SRRM2: variants seen among roughly 807,000 people sequenced by gnomAD.
SRRM2 encodes serine/arginine repetitive matrix protein 2.
In SRRM2, 30 loss-of-function variants were observed where a neutral mutation model predicts 213.8. The ratio of observed to expected loss-of-function variants is 0.14; its 90% CI spans 0.10 to 0.19. SRRM2 has a LOEUF of 0.19. SRRM2 is among the 10% of genes least tolerant of loss of function. The pLI, the probability that SRRM2 is intolerant of heterozygous loss-of-function variation, is 1.00. For missense variants in SRRM2, 4,904 were observed against 3,647.0 expected (o/e 1.34, Z -8.88); for synonymous variants, 2,025 against 1,377.7 (o/e 1.47, Z -10.40).
intron 5 of SRRM2, 43 bp downstream of exon 5, chr16:2,758,590 C>G (rs770514962): frequency 6.4e-7 from 1 of 1,557,890 alleles, no homozygotes; most frequent in African/African-American, 1.4e-5. Context: ...GAGGACCAAT[C>G]CTGTGGTGTA....
chr16:2,763,488 A>T lies in SRRM2; in HGVS notation c.2960A>T (p.Gln987Leu), dbSNP rs755645253. Residue 987 changes from glutamine (Q) to leucine (L), a missense_variant, in exon 11 of 15, where the codon CAA becomes CTA. Physicochemically the swap from Gln to Leu is moderately radical, Grantham distance 113. Coordinates refer to ENST00000301740, the MANE Select transcript of SRRM2 (RefSeq NM_016333.4). ...GTGAAACCTGAAACACCGCCAAGAC[A>T]AAGTCACTCAGGGTCTATTTCACCA... ...TKVKPETPPR[Q>L]SHSGSISPYP... is the part of the protein sequence containing the mutation. 3.7e-6 allele frequency: 6 copies of T among 1,614,134 alleles called. No individual in the cohort carries two copies. Among genetic ancestry groups the T allele is most frequent in the South Asian group, 1.1e-5 (1 of 91,076 alleles).
intron 4 of SRRM2, 70 bp from the exon 5 acceptor site, chr16:2,758,400 C>A: frequency 2.3e-6 from 3 of 1,328,864 alleles, no homozygotes; most frequent in Admixed American, 3.7e-5. Flanking sequence ...TTTTTAGACT[C>A]TGTCTTTTAA....
At chr16:2,770,173 C>G (rs377747938) in intron 12 of SRRM2, 179 bp from the exon 13 acceptor site, 2 of 1,441,692 alleles carry the variant, frequency 1.4e-6, no homozygotes, top group East Asian at 2.5e-5. Flanking sequence ...CTGTGCCTGC[C>G]CACTGGGCAC....
In SRRM2 at chr16:2,761,813, A is replaced by G. The variant is rs139567101; in HGVS notation, c.1285A>G (p.Lys429Glu). 1.4e-5 allele frequency: 22 copies of G among 1,613,588 alleles called. No individual in the cohort carries two copies. The highest frequency in any genetic ancestry group is 4.5e-5 in the East Asian group (2 of 44,880). ...CAGCCCACCATCCCCTCAACCTACC[A>G]AAGTTTCTCGGCATGCCAGCTCTTC... is the stretch of plus-strand genomic sequence containing the variant. ...ESSPPSPQPT[K>E]VSRHASSSPE... is the part of the protein sequence containing the mutation. Residue 429 changes from lysine to glutamate, a missense_variant, in exon 11 of 15, where the codon AAA (lysine) becomes GAA (glutamate). Transcript: ENST00000301740.
rs768782629 is a variant in SRRM2, at chr16:2,767,599, C to A, written c.7071C>A (p.Thr2357=). 6.2e-7 allele frequency: 1 copy of A among 1,614,194 alleles called. No individual in the cohort carries two copies. Among genetic ancestry groups the A allele is most frequent in the Non-Finnish European group, 8.5e-7 (1 of 1,180,032 alleles). ...CTGTGAATATTGCCGGCTCCAGAAC[C>A]GCCGCAGCCTTGGCCCCCGCGAGCC... ...TAPVNIAGSR[T]AAALAPASLT... The change falls in exon 11 of 15, where the codon ACC becomes ACA. Residue 2357 remains threonine (T), a synonymous_variant. Transcript: ENST00000301740.
Position 2,763,665 on chromosome 16 carries a change from G to A in SRRM2, c.3137G>A (p.Gly1046Asp), listed in dbSNP as rs1011723798. Reference protein sequence around the residue: ...CAGVKSSTPPGESYFGVSSLQ... With the variant: ...CAGVKSSTPPDESYFGVSSLQ... Reference sequence around the variant, plus strand: ...GGAGTAAAATCTAGCACACCACCAGGCGAGAGCTATTTTGGTGTCTCATCT... The same window carrying A: ...GGAGTAAAATCTAGCACACCACCAGACGAGAGCTATTTTGGTGTCTCATCT... The change falls in exon 11 of 15, where the codon GGC (glycine) becomes GAC (aspartate). Residue 1046 changes from glycine to aspartate, a missense_variant. By Grantham distance (94) the Gly-to-Asp change is moderately conservative. Transcript: ENST00000301740. The A allele has an allele frequency of 6.2e-7, 1 of 1,614,020 alleles. No individual in the cohort carries two copies. The highest frequency in any genetic ancestry group is 8.5e-7 in the Non-Finnish European group (1 of 1,180,044).
At chr16:2,758,732 C>T in intron 5 of SRRM2, 185 bp downstream of exon 5, 7 of 679,004 alleles carry the variant, frequency 1.0e-5, no homozygotes, top group East Asian at 2.7e-5. Flanking sequence ...GTTGAGTTTG[C>T]AGTTCTGCTA....
At chr16:2,757,699 T>C in intron 3 of SRRM2, 82 bp from the exon 4 acceptor site, 3 of 1,584,858 alleles carry the variant, frequency 1.9e-6, no homozygotes, top group Non-Finnish European at 2.6e-6. Flanking sequence ...CCATGCCTTA[T>C]TTGGCTCCTG....
At chr16:2,768,837 G>C in intron 11 of SRRM2, 160 bp from the exon 12 acceptor site, 1 of 1,452,842 alleles carries the variant, frequency 6.9e-7, no homozygotes, top group Non-Finnish European at 9.4e-7. Context: ...GGGTCAGCTC[G>C]CACCACTGCT....
At chr16:2,768,781 C>A in intron 11 of SRRM2, 1 of 865,448 alleles carries the variant, frequency 1.2e-6, no homozygotes, top group South Asian at 1.4e-5. Flanking sequence ...TAACCTTGAT[C>A]CCTTATGCTG....
At position 2,758,974 on chromosome 16, in the gene SRRM2, T is replaced by TC. The variant is rs1169807281; in HGVS notation, c.594-9dup. On this transcript the variant is annotated splice_polypyrimidine_tract_variant and intron_variant, in intron 5 of 14. Coordinates refer to ENST00000301740, the MANE Select transcript of SRRM2 (RefSeq NM_016333.4). ...CAAGCAGGATGAGCTTGCTTTTGAA[T>TC]CCATCTTTAGCAGGTCAGAGAGCAG... 6.2e-7 allele frequency: 1 copy of TC among 1,613,988 alleles called. No individual in the cohort carries two copies. Among genetic ancestry groups the TC allele is most frequent in the East Asian group, 2.2e-5 (1 of 44,876 alleles).
At chr16:2,759,785 T>G (rs1281514063) in intron 9 of SRRM2, 124 bp downstream of exon 9, 2 of 799,296 alleles carry the variant, frequency 2.5e-6, no homozygotes, top group African/African-American at 1.7e-5. Context: ...GTCCCTGCCC[T>G]CTAGGAGCTG....
At chr16:2,752,867 G>A in intron 1 of SRRM2, 21 bp downstream of exon 1, 2 of 220,928 alleles carry the variant, frequency 9.1e-6, no homozygotes, top group South Asian at 4.2e-5. Context: ...GAGGGAGCCA[G>A]CGAGCCGGGT....
rs749216920 is a variant in SRRM2, at chr16:2,766,984, C to T, written c.6456C>T (p.Ala2152=). The change falls in exon 11 of 15, where the codon GCC becomes GCT. Residue 2152 remains alanine, a synonymous_variant. Coordinates refer to ENST00000301740, the MANE Select transcript of SRRM2 (RefSeq NM_016333.4). This position sits in a 1 kb window ranked among gnomAD's most constrained non-coding sequence, Gnocchi z 7.0. The stretch of plus-strand genomic sequence containing the variant: ...CACCCATGTCTGTCCTGCAGCAAGC[C>T]GGCGGCTCCATGATGGATGGTCCAG... ...SRTPMSVLQQ[A]GGSMMDGPGP... 37 of 1,614,052 alleles carry T rather than the reference C, an allele frequency of 2.3e-5. No individual in the cohort carries two copies. The highest frequency in any genetic ancestry group is 6.7e-5 in the African/African-American group (5 of 74,912).
intron 10 of SRRM2, 87 bp downstream of exon 10, chr16:2,760,586 T>C: frequency 4.9e-6 from 7 of 1,428,932 alleles, no homozygotes; most frequent in East Asian, 4.9e-5. Flanking sequence ...AGGTAATAAC[T>C]TATTAAAATA....
rs755116950 is a variant in SRRM2 at position 2,759,655 on chromosome 16, G to A, written c.827G>A (p.Arg276His). The change falls in exon 9 of 15, where the codon CGC becomes CAC. Residue 276 changes from arginine to histidine, a missense_variant. Physicochemically the swap from Arg to His is conservative, Grantham distance 29 (BLOSUM62 0). Coordinates refer to ENST00000301740, the MANE Select transcript of SRRM2 (RefSeq NM_016333.4). The part of the protein sequence containing the change: ...ADSASSSDTS[R>H]SRSRSAAAKT... The stretch of plus-strand genomic sequence containing the variant: ...TCTGCTTCCTCCTCCGATACTTCCC[G>A]CAGTCGGTAAGGGGTAGTCCAGGAG... The A allele has an allele frequency of 9.9e-6, 16 of 1,613,558 alleles. No individual in the cohort carries two copies. Among genetic ancestry groups the A allele is most frequent in the East Asian group, 2.2e-5 (1 of 44,888 alleles).
At position 2,768,175 on chromosome 16, in the gene SRRM2, GTCGTCGTCC is replaced by G; in HGVS notation, c.7650_7658del (p.Ser2554_Ser2556del). 1 of 1,612,740 alleles carries G rather than the reference GTCGTCGTCC, an allele frequency of 6.2e-7. No individual in the cohort carries two copies. The highest frequency in any genetic ancestry group is 1.1e-5 in the South Asian group (1 of 90,960). ...GCTCCTCCTCTTCTTCATCATCGTCGTCGTCGTCCTCCTCCTCCTCTGGCTCCAGTTCTA... is the reference window on the plus strand; with the variant it reads ...GCTCCTCCTCTTCTTCATCATCGTCGTCCTCCTCCTCTGGCTCCAGTTCTA... On this transcript the variant is annotated inframe_deletion, in exon 11 of 15. Transcript: ENST00000301740.
intron 11 of SRRM2, chr16:2,768,622 C>T: frequency 1.6e-6 from 1 of 633,832 alleles, no homozygotes. Flanking sequence ...CTCTCCCTGC[C>T]TCCAGGCAGG....
At position 2,763,822 on chromosome 16, in the gene SRRM2, G is replaced by C. The variant is rs1220973101; in HGVS notation, c.3294G>C (p.Arg1098=). 3 of 1,614,138 alleles carry C rather than the reference G, an allele frequency of 1.9e-6. No homozygotes were observed. Among genetic ancestry groups the C allele is most frequent in the Non-Finnish European group, 2.5e-6 (3 of 1,180,034 alleles). ...CTCAAACATCACCTAAGGGAGGTCG[G>C]TCCAGGTCTTCATCTCCAGTCACTG... is the stretch of plus-strand genomic sequence containing the variant. ...SKSQTSPKGG[R]SRSSSPVTEL... is the part of the protein sequence containing the mutation. Residue 1098 remains arginine, a synonymous_variant, in exon 11 of 15, where the codon CGG becomes CGC. Coordinates refer to ENST00000301740, the MANE Select transcript of SRRM2 (RefSeq NM_016333.4).
Sources: gnomAD v4.1 joint callset for allele counts on GRCh38, gnomAD v4.1.1 for gene constraint, Gnocchi (gnomAD v3.1) non-coding constraint, MANE v1.5 for transcripts, NCBI Gene and HGNC (gene_info 2026-07-23, HGNC 2026-07-21) for gene names.